R3HCC1L: variants seen among roughly 807,000 people sequenced by gnomAD.
The protein encoded by R3HCC1L is coiled-coil domain-containing protein R3HCC1L.
Under a neutral mutation model 59.9 loss-of-function variants are expected in R3HCC1L, and 51 were observed. The observed-to-expected ratio is 0.85, with a 90% confidence interval of 0.68 to 1.07. The LOEUF (loss-of-function observed/expected upper bound fraction) is 1.07. Ranked by LOEUF, R3HCC1L falls within the 50% of genes least tolerant of loss-of-function variation. R3HCC1L has a pLI of 0.00. For missense variants in R3HCC1L, 965 were observed against 933.0 expected, an observed-to-expected ratio of 1.03 and a Z score of -0.45; for synonymous variants, 322 against 315.2, an observed-to-expected ratio of 1.02 and a Z score of -0.23.
intron 4 of R3HCC1L, among the ~76,000 whole-genome samples, chr10:98,182,682 G>A (rs777822900): frequency 2.0e-5 from 3 of 152,156 alleles, no homozygotes; most frequent in Admixed American, 6.5e-5. Flanking sequence ...ATTGAGCTGC[G>A]GTGGGCTCTA....
At chr10:98,161,265 C>T (rs191997400) in intron 2 of R3HCC1L, among the ~76,000 whole-genome samples, 2 of 152,168 alleles carry the variant, frequency 1.3e-5, no homozygotes, top group Admixed American at 6.5e-5. Flanking sequence ...ATGTTTGTTT[C>T]TCTTGTTATT....
chr10:98,145,947 T>G (rs1052693030), intron 1 of R3HCC1L, among the ~76,000 whole-genome samples: 2 of 144,080 alleles, frequency 1.4e-5, no homozygotes, highest in African/African-American at 5.2e-5. Flanking sequence ...AGACTCCATC[T>G]CAAAAAAAAA....
chr10:98,168,211 A>G (rs922858155), intron 4 of R3HCC1L, among the ~76,000 whole-genome samples: 4 of 152,130 alleles, frequency 2.6e-5, no homozygotes, highest in Admixed American at 2.0e-4. Context: ...TTTGTATTAC[A>G]TATTATATTG....
At chr10:98,242,197 A>T (rs1414968090) in intron 9 of R3HCC1L, among the ~76,000 whole-genome samples, 2 of 152,156 alleles carry the variant, frequency 1.3e-5, no homozygotes, top group African/African-American at 4.8e-5. Flanking sequence ...ATACAAAAAA[A>T]TTAGCCAGGC....
chr10:98,174,992 C>G (rs1659759805), intron 4 of R3HCC1L, among the ~76,000 whole-genome samples: 1 of 152,002 alleles, frequency 6.6e-6, no homozygotes, highest in Admixed American at 6.6e-5. Context: ...GAGTGCAGTG[C>G]AAAGGATTGT....
intron 4 of R3HCC1L, among the ~76,000 whole-genome samples, chr10:98,166,955 G>A (rs1277059798): frequency 1.3e-5 from 2 of 151,940 alleles, no homozygotes; most frequent in Non-Finnish European, 2.9e-5. Flanking sequence ...GTGAGCCACC[G>A]CGCCTGACCC....
At chr10:98,161,521 T>C (rs1215051285) in intron 2 of R3HCC1L, among the ~76,000 whole-genome samples, 1 of 152,122 alleles carries the variant, frequency 6.6e-6, no homozygotes, top group Non-Finnish European at 1.5e-5. Flanking sequence ...TTAGAGTTTT[T>C]TGTTTTATCT....
In R3HCC1L at chr10:98,241,699, A is replaced by G. The variant is rs184157022; in HGVS notation, c.2270-2392A>G. ...GTTTCTTTGTCTTTCTGTTTATACA[A>G]TTTTTTTCATATTTTTTTCCCTTGT... On this transcript the variant is annotated intron_variant, in intron 9 of 9. Coordinates refer to ENST00000298999, the MANE Select transcript of R3HCC1L (RefSeq NM_001351015.2). 4.6e-5 allele frequency among the ~76,000 whole-genome samples: 7 copies of G among 151,848 alleles called. No homozygotes were observed. In the East Asian group the frequency reaches 1.4e-3, roughly 29 times the overall value.
rs1857878647 is a variant in R3HCC1L, at chr10:98,244,324, C to A, written c.*166C>A. The A allele has an allele frequency of 3.3e-6, 2 of 597,726 alleles. No homozygotes were observed. Among genetic ancestry groups the A allele is most frequent in the South Asian group, 2.0e-5 (1 of 49,196 alleles). The allele number at this position is 597,726 out of a possible 1,614,324, so 37.0% of individuals were successfully genotyped here. On this transcript the variant is annotated 3_prime_UTR_variant, in exon 10 of 10. Transcript: ENST00000298999. ...GTATAGAAGGAAGACAGACTCCTGT[C>A]TTCACTCCTAAATGCAGTTCTTTGG...
chr10:98,229,509 A>T lies in R3HCC1L; in HGVS notation c.1786-2003A>T, dbSNP rs1327737238. ...AGACAGTGGGGTTTTCTAGATATAC[A>T]ATCATGTCATCTGCAAACAGGGACA... On this transcript the variant is annotated intron_variant, in intron 5 of 9. Coordinates refer to ENST00000298999, the MANE Select transcript of R3HCC1L (RefSeq NM_001351015.2). Among the ~76,000 whole-genome samples the T allele has an allele frequency of 2.6e-5, 4 of 152,310 alleles. 1 individual carries two copies. The South Asian group carries it at 8.3e-4, about 32-fold the overall frequency.
At chr10:98,234,986 A>G (rs1333993543) in intron 7 of R3HCC1L, among the ~76,000 whole-genome samples, 2 of 152,184 alleles carry the variant, frequency 1.3e-5, no homozygotes, top group Non-Finnish European at 2.9e-5. Context: ...GAAAATAGAG[A>G]TATTGAAACG....
At chr10:98,181,472 G>A (rs1450746380) in intron 4 of R3HCC1L, among the ~76,000 whole-genome samples, 1 of 151,998 alleles carries the variant, frequency 6.6e-6, no homozygotes, top group African/African-American at 2.4e-5. Context: ...TTTCAATCTT[G>A]GTGAATCTGA....
At chr10:98,139,303 A>T (rs921898651) in intron 1 of R3HCC1L, among the ~76,000 whole-genome samples, 1 of 152,252 alleles carries the variant, frequency 6.6e-6, no homozygotes, top group African/African-American at 2.4e-5. Flanking sequence ...GCTTATATAA[A>T]TATATGATTA....
At chr10:98,149,843 A>G (rs1366678764) in intron 1 of R3HCC1L, among the ~76,000 whole-genome samples, 3 of 152,182 alleles carry the variant, frequency 2.0e-5, no homozygotes, top group Non-Finnish European at 4.4e-5. Context: ...TCTAGTGTGT[A>G]GTTTAACTCT....
At chr10:98,176,849 C>CT (rs142957925) in intron 4 of R3HCC1L, among the ~76,000 whole-genome samples, 5 of 150,438 alleles carry the variant, frequency 3.3e-5, no homozygotes, top group Admixed American at 6.6e-5. Context: ...TATTGCTCTG[C>CT]TTTTTTTTTG....
intron 9 of R3HCC1L, among the ~76,000 whole-genome samples, chr10:98,243,527 T>C (rs1857767517): frequency 6.6e-6 from 1 of 152,248 alleles, no homozygotes. Context: ...GTTTTCCATA[T>C]TGTAATTGTA....
At position 98,224,022 on chromosome 10, in the gene R3HCC1L, C is replaced by T. The variant is rs113749336; in HGVS notation, c.1786-7490C>T. On this transcript the variant is annotated intron_variant, in intron 5 of 9. Coordinates refer to ENST00000298999, the MANE Select transcript of R3HCC1L (RefSeq NM_001351015.2). ...TGGGGGGTTGTGGCGGGTCAATCTCCAGGCTCCCTGATGTTGCACTTGAAT... is the reference window on the plus strand; with the variant it reads ...TGGGGGGTTGTGGCGGGTCAATCTCTAGGCTCCCTGATGTTGCACTTGAAT... Among the ~76,000 whole-genome samples the T allele has an allele frequency of 1.1e-3, 160 of 152,190 alleles. 1 individual carries two copies. The highest frequency in any genetic ancestry group is 3.8e-3 in the African/African-American group (157 of 41,506).
At chr10:98,215,881 T>C (rs552155151) in intron 5 of R3HCC1L, among the ~76,000 whole-genome samples, 1 of 152,226 alleles carries the variant, frequency 6.6e-6, no homozygotes, top group African/African-American at 2.4e-5. Context: ...AATAGTAATA[T>C]AGGAAAGGAA....
At chr10:98,197,501 T>G (rs1406896125) in intron 4 of R3HCC1L, among the ~76,000 whole-genome samples, 2 of 152,158 alleles carry the variant, frequency 1.3e-5, no homozygotes, top group East Asian at 1.9e-4. Context: ...AAATGTTTGT[T>G]GATTGATTGA....
Sources: allele counts gnomAD v4.1 joint callset (sites outside exome capture counted in the v4.1 genomes callset), GRCh38; gene constraint gnomAD v4.1.1; transcripts MANE v1.5; gene names NCBI Gene and HGNC (gene_info 2026-07-23, HGNC 2026-07-21).